Variants in CEP170B observed in about 807,000 individuals in gnomAD.
CEP170B encodes the protein centrosomal protein 170B.
A neutral mutation model predicts 120.6 loss-of-function variants in CEP170B; 55 were observed. The ratio of observed to expected loss-of-function variants is 0.46; its 90% confidence interval spans 0.37 to 0.57. The LOEUF is 0.57. Among genes scored for constraint, CEP170B ranks in the 20% least tolerant of loss-of-function variants. The pLI is 0.00. For missense variants in CEP170B, 2,212 were observed against 2,253.3 expected (o/e 0.98, Z 0.37); for synonymous variants, 1,033 against 954.5 (o/e 1.08, Z -1.52).
Position 104,895,043 on chromosome 14 carries a change from T to G in CEP170B, c.*85T>G. The G allele has an allele frequency of 7.1e-7, 1 of 1,412,650 alleles. No homozygotes were observed. Among genetic ancestry groups the G allele is most frequent in the Non-Finnish European group, 9.4e-7 (1 of 1,064,042 alleles). The allele number at this position is 1,412,650 out of a possible 1,614,324, so 87.5% of individuals were successfully genotyped here. On this transcript the variant is annotated 3_prime_UTR_variant, in exon 19 of 19. Coordinates refer to ENST00000414716, the MANE Select transcript of CEP170B (RefSeq NM_001112726.3). ...GCACACCCGCCTGCCTGGCCGCAGG[T>G]GGTTCTCCCTGAAGACCCCCACATG...
chr14:104,894,098 C>A, intron 16 of CEP170B, 187 bp from the exon 17 acceptor site: 1 of 657,342 alleles, frequency 1.5e-6, no homozygotes. Flanking sequence ...CCAGCCCTCC[C>A]CACCGCCGAG....
rs770937710 is a variant in CEP170B at position 104,886,450 on chromosome 14, C to T, written c.2211C>T (p.Phe737=). ...ACAGTGAGCAGCCCAGCCGCCTCTTCGGCCAGGAGGAGTTGGATCCTGACA... is the reference window on the plus strand; with the variant it reads ...ACAGTGAGCAGCCCAGCCGCCTCTTTGGCCAGGAGGAGTTGGATCCTGACA... ...ELDSEQPSRL[F]GQEELDPDSL... is the part of the protein sequence containing the mutation. Residue 737 remains phenylalanine, a synonymous_variant, in exon 12 of 19, where the codon TTC becomes TTT. Transcript: ENST00000414716. 21 of 1,569,934 alleles carry T rather than the reference C, an allele frequency of 1.3e-5. No homozygotes were observed. Among genetic ancestry groups the T allele is most frequent in the African/African-American group, 9.5e-5 (7 of 73,890 alleles).
At chr14:104,880,150 T>C (rs1268276921) in intron 5 of CEP170B, 137 bp from the exon 6 acceptor site, 2 of 1,224,294 alleles carry the variant, frequency 1.6e-6, no homozygotes, top group Non-Finnish European at 2.2e-6. Context: ...TCTGCTCTTT[T>C]GGGGAGCATT....
chr14:104,882,625 C>G, intron 6 of CEP170B, 103 bp from the exon 7 acceptor site: 2 of 897,116 alleles, frequency 2.2e-6, no homozygotes, highest in Non-Finnish European at 3.4e-6. Context: ...GAGGTGATGC[C>G]AGGGCCTGCC....
intron 13 of CEP170B, among the ~76,000 whole-genome samples, chr14:104,890,893 G>GTGGATGGAGGGATGGATGGA (rs1896821993): frequency 7.4e-6 from 1 of 134,646 alleles, no homozygotes; most frequent in African/African-American, 2.8e-5. Context: ...GAGTGGGTGG[G>GTGGATGGAGGGATGGATGGA]TGGATGGAGG....
intron 6 of CEP170B, among the ~76,000 whole-genome samples, chr14:104,882,436 T>G (rs953856140): frequency 6.6e-6 from 1 of 151,532 alleles, no homozygotes; most frequent in Non-Finnish European, 1.5e-5. Context: ...TCTGAGTACA[T>G]CAGAGGGGAG....
At chr14:104,893,716 G>T in intron 15 of CEP170B, 45 bp from the exon 16 acceptor site, 1 of 1,586,714 alleles carries the variant, frequency 6.3e-7, no homozygotes, top group Non-Finnish European at 8.6e-7. Context: ...GAGCAGGGGC[G>T]GGGCTCCTCG....
At chr14:104,877,836 A>ACCCCCC in intron 3 of CEP170B, 49 bp from the exon 4 acceptor site, 1 of 237,066 alleles carries the variant, frequency 4.2e-6, no homozygotes, top group Non-Finnish European at 6.7e-6. Context: ...GCCCACAGCC[A>ACCCCCC]CCCACCCGCG....
At chr14:104,878,629 G>C (rs1028094579) in intron 5 of CEP170B, 128 bp downstream of exon 5, 1 of 984,014 alleles carries the variant, frequency 1.0e-6, no homozygotes, top group Non-Finnish European at 1.5e-6. Flanking sequence ...TTCAGGCTGC[G>C]GGTGCCATGA....
chr14:104,868,256 C>T lies in CEP170B; in HGVS notation c.-27-168C>T, dbSNP rs778739222. On this transcript the variant is annotated intron_variant, in intron 1 of 18. Coordinates refer to ENST00000414716, the MANE Select transcript of CEP170B (RefSeq NM_001112726.3). This position sits in a 1 kb window ranked among gnomAD's most constrained non-coding sequence, Gnocchi z 5.9. ...AGGGCAAAGGCCTGGCAGTGGGACTCGGGACCATACCCAGGGAGGGCGGGT... is the reference window on the plus strand; with the variant it reads ...AGGGCAAAGGCCTGGCAGTGGGACTTGGGACCATACCCAGGGAGGGCGGGT... 6.6e-6 allele frequency among the ~76,000 whole-genome samples: 1 copy of T among 152,120 alleles called. No individual in the cohort carries two copies. The highest frequency in any genetic ancestry group is 1.5e-5 in the Non-Finnish European group (1 of 68,014).
chr14:104,886,185 C>CCACT (rs2140711555), intron 11 of CEP170B, 55 bp downstream of exon 11: 1 of 1,480,472 alleles, frequency 6.8e-7, no homozygotes, highest in African/African-American at 1.4e-5. Flanking sequence ...GGGCCTCAGG[C>CCACT]CACTGACCAC....
At position 104,895,062 on chromosome 14, in the gene CEP170B, C is replaced by G; in HGVS notation, c.*104C>G. 1 of 1,303,588 alleles carries G rather than the reference C, an allele frequency of 7.7e-7. No individual in the cohort carries two copies. The highest frequency in any genetic ancestry group is 1.5e-5 in the African/African-American group (1 of 67,008). The allele number at this position is 1,303,588 out of a possible 1,614,324, so 80.8% of individuals were successfully genotyped here. A position where few individuals can be genotyped will look rare whatever the true frequency, so the allele number is the denominator to read the frequency against. On this transcript the variant is annotated 3_prime_UTR_variant, in exon 19 of 19. Coordinates refer to ENST00000414716, the MANE Select transcript of CEP170B (RefSeq NM_001112726.3). The stretch of plus-strand genomic sequence containing the variant: ...CGCAGGTGGTTCTCCCTGAAGACCC[C>G]CACATGTGCCATATCCCTGTGGGCG...
rs187693347 is a variant in CEP170B at position 104,896,583 on chromosome 14, C to A, written c.*1625C>A. 1 of 456,210 alleles carries A rather than the reference C, an allele frequency of 2.2e-6. No homozygotes were observed. The highest frequency in any genetic ancestry group is 7.0e-5 in the East Asian group (1 of 14,380). The allele number at this position is 456,210 out of a possible 1,614,324, so 28.3% of individuals were successfully genotyped here. A position where few individuals can be genotyped will look rare whatever the true frequency, so the allele number is the denominator to read the frequency against. On this transcript the variant is annotated 3_prime_UTR_variant, in exon 19 of 19. Coordinates refer to ENST00000414716, the MANE Select transcript of CEP170B (RefSeq NM_001112726.3). ...CCACACTGAGCTCCTTTGTTCCTCC[C>A]CCTCCAGCCTTTGCCTGGGAACTGG...
intron 14 of CEP170B, 61 bp from the exon 15 acceptor site, chr14:104,893,462 C>CAGCCACAGCCTGGCAGG: frequency 6.4e-7 from 1 of 1,552,322 alleles, no homozygotes; most frequent in Admixed American, 1.9e-5. Flanking sequence ...CAGGGAGGTG[C>CAGCCACAGCCTGGCAGG]AGCCACAGCC....
At chr14:104,864,520 C>A (rs1436405985), upstream of CEP170B, among the ~76,000 whole-genome samples, 1 of 152,222 alleles carries the variant, frequency 6.6e-6, no homozygotes, top group South Asian at 2.1e-4. This position sits in a 1 kb window ranked among gnomAD's most constrained non-coding sequence, Gnocchi z 5.9. Context: ...CCTATTGTAG[C>A]ACCCGGCAAG....
At position 104,886,705 on chromosome 14, in the gene CEP170B, A is replaced by AGGGCAGACAGCCCAGCCC. The variant is rs777350844; in HGVS notation, c.2467_2484dup (p.Gly823_Pro828dup). 1.3e-6 allele frequency: 2 copies of AGGGCAGACAGCCCAGCCC among 1,590,666 alleles called. No individual in the cohort carries two copies. Among genetic ancestry groups the AGGGCAGACAGCCCAGCCC allele is most frequent in the African/African-American group, 2.7e-5 (2 of 74,522 alleles). On this transcript the variant is annotated inframe_insertion, in exon 12 of 19. Coordinates refer to ENST00000414716, the MANE Select transcript of CEP170B (RefSeq NM_001112726.3). ...CGGCTCCAGGGGATGGGGAGGGCCTAGGGCAGACAGCCCAGCCCAGCCCCC... is the reference window on the plus strand; with the variant it reads ...CGGCTCCAGGGGATGGGGAGGGCCTAGGGCAGACAGCCCAGCCCGGGCAGACAGCCCAGCCCAGCCCCC...
At chr14:104,871,840 A>G (rs1429792061) in intron 2 of CEP170B, among the ~76,000 whole-genome samples, 2 of 152,192 alleles carry the variant, frequency 1.3e-5, no homozygotes, top group African/African-American at 4.8e-5. Flanking sequence ...CTGGGCTTTC[A>G]CTAGGCAAGA....
At position 104,887,197 on chromosome 14, in the gene CEP170B, G is replaced by A. The variant is rs777374243; in HGVS notation, c.2958G>A (p.Ser986=). 3.1e-6 allele frequency: 5 copies of A among 1,605,880 alleles called. No individual in the cohort carries two copies. The highest frequency in any genetic ancestry group is 1.1e-5 in the South Asian group (1 of 91,048). ...CTCTGCGGGCACAGAAGGAGATGTC[G>A]CCATCCCCGCCAGCTGCACAGGACC... ...PQPLRAQKEM[S]PSPPAAQDPG... Residue 986 remains serine, a synonymous_variant, in exon 12 of 19, where the codon TCG becomes TCA. Transcript: ENST00000414716.
Position 104,867,109 on chromosome 14 carries a change from CT to C in CEP170B, c.-27-1310del, listed in dbSNP as rs1490886695. On this transcript the variant is annotated intron_variant, in intron 1 of 18. Transcript: ENST00000414716. This position sits in a 1 kb window ranked among gnomAD's most constrained non-coding sequence, Gnocchi z 5.4. ...TTTTTGAATAAGGGTACCGCGTTTT[CT>C]TTTTGTGCTGGGCCCTGCAGTGATG... Among the ~76,000 whole-genome samples the C allele has an allele frequency of 6.6e-6, 1 of 152,216 alleles. No homozygotes were observed. The highest frequency in any genetic ancestry group is 1.5e-5 in the Non-Finnish European group (1 of 68,034).
Sources: gnomAD v4.1 joint callset for allele counts (sites outside exome capture counted in the v4.1 genomes callset) on GRCh38, gnomAD v4.1.1 for gene constraint, Gnocchi (gnomAD v3.1) non-coding constraint, MANE v1.5 for transcripts, NCBI Gene and HGNC (gene_info 2026-07-23, HGNC 2026-07-21) for gene names.